Variants in ADAD1 observed in about 807,000 individuals in gnomAD.
ADAD1 encodes adenosine deaminase domain containing 1.
A neutral mutation model predicts 66.8 loss-of-function variants in ADAD1; 46 were observed. The ratio of observed to expected loss-of-function variants is 0.69; its 90% confidence interval spans 0.54 to 0.88. The LOEUF (loss-of-function observed/expected upper bound fraction) is 0.88. Among genes scored for constraint, ADAD1 ranks in the 40% least tolerant of loss-of-function variants. The pLI is 0.00. For synonymous variants in ADAD1, 248 were observed against 229.4 expected (o/e 1.08, Z -0.73); for missense variants, 617 against 681.8 (o/e 0.91, Z 1.06).
chr4:122,388,916 G>C (rs1795311835), intron 5 of ADAD1, among the ~76,000 whole-genome samples: 1 of 151,900 alleles, frequency 6.6e-6, no homozygotes, highest in African/African-American at 2.4e-5. Context: ...CTAGCTTTTG[G>C]ATTAGTTTAC....
At chr4:122,391,106 A>G (rs1443560111) in intron 5 of ADAD1, among the ~76,000 whole-genome samples, 1 of 151,982 alleles carries the variant, frequency 6.6e-6, no homozygotes, top group Admixed American at 6.6e-5. Context: ...TTCTTTCAAT[A>G]GTCAGGTCCC....
At position 122,415,608 on chromosome 4, in the gene ADAD1, C is replaced by A. The variant is rs1402807506; in HGVS notation, c.1479C>A (p.Ile493=). The change falls in exon 11 of 13, where the codon ATC becomes ATA. Residue 493 remains isoleucine, a synonymous_variant. Transcript: ENST00000296513. ...TTGTGGATGGCCTGAGTGGGAAGAT[C>A]ACTGAAAGGTTAAAATTACTAATTT... ...LEIVDGLSGK[I]TESSPFKSGM... 1.2e-6 allele frequency: 2 copies of A among 1,612,026 alleles called. No individual in the cohort carries two copies. The highest frequency in any genetic ancestry group is 2.7e-5 in the African/African-American group (2 of 74,824).
intron 7 of ADAD1, among the ~76,000 whole-genome samples, chr4:122,405,235 C>T (rs1349983079): frequency 6.6e-6 from 1 of 152,170 alleles, no homozygotes; most frequent in East Asian, 1.9e-4. Context: ...GCTTTCATCT[C>T]TTCAGTATTC....
chr4:122,423,225 T>C (rs1030115382), intron 12 of ADAD1, among the ~76,000 whole-genome samples: 1 of 152,174 alleles, frequency 6.6e-6, no homozygotes, highest in Non-Finnish European at 1.5e-5. Context: ...TTTGTTGGCT[T>C]AAATGCCAAA....
rs1234931760 is a variant in ADAD1 at position 122,429,659 on chromosome 4, A to C, written c.1651A>C (p.Lys551Gln). The C allele has an allele frequency of 6.2e-7, 1 of 1,613,302 alleles. No individual in the cohort carries two copies. The highest frequency in any genetic ancestry group is 8.5e-7 in the Non-Finnish European group (1 of 1,179,586). Residue 551 changes from lysine to glutamine, a missense_variant, in exon 13 of 13, where the codon AAG becomes CAG. Transcript: ENST00000296513. ...TGCCTCCTATCAAGAAGCTAAATGTAAGTTGAAATCCTACTTACAACAACA... is the reference window on the plus strand; with the variant it reads ...TGCCTCCTATCAAGAAGCTAAATGTCAGTTGAAATCCTACTTACAACAACA... ...MSASYQEAKCKLKSYLQQHGY... is the reference protein window; with the variant it reads ...MSASYQEAKCQLKSYLQQHGY...
At chr4:122,424,102 A>G (rs528578413) in intron 12 of ADAD1, among the ~76,000 whole-genome samples, 9 of 152,346 alleles carry the variant, frequency 5.9e-5, no homozygotes, top group Admixed American at 1.3e-4. Context: ...GCAACCAAGG[A>G]TTCTATGTCC....
At chr4:122,401,444 G>T (rs1795972762) in intron 7 of ADAD1, among the ~76,000 whole-genome samples, 1 of 152,046 alleles carries the variant, frequency 6.6e-6, no homozygotes, top group African/African-American at 2.4e-5. Flanking sequence ...AATATTCCAG[G>T]TGCTAATAAA....
At chr4:122,427,777 C>T (rs1797320665) in intron 12 of ADAD1, among the ~76,000 whole-genome samples, 2 of 151,844 alleles carry the variant, frequency 1.3e-5, no homozygotes, top group Admixed American at 6.6e-5. Flanking sequence ...CTCAAGTGCT[C>T]CACCCACCAA....
chr4:122,416,377 T>C (rs1382761158), intron 11 of ADAD1, among the ~76,000 whole-genome samples: 1 of 152,216 alleles, frequency 6.6e-6, no homozygotes, highest in Non-Finnish European at 1.5e-5. Flanking sequence ...ATGTTAAAAA[T>C]TTAAATGCTT....
At chr4:122,414,906 T>C (rs1796657668) in intron 10 of ADAD1, among the ~76,000 whole-genome samples, 1 of 152,126 alleles carries the variant, frequency 6.6e-6, no homozygotes, top group Non-Finnish European at 1.5e-5. Flanking sequence ...TTAAATTATT[T>C]TGCAGTGTGA....
chr4:122,408,088 CT>C (rs1796298876), intron 8 of ADAD1, 57 bp downstream of exon 8: 1 of 1,513,714 alleles, frequency 6.6e-7, no homozygotes, highest in Non-Finnish European at 8.9e-7. Context: ...CCCAAAGTAA[CT>C]TCATATAAAT....
Position 122,429,714 on chromosome 4 carries a change from C to A in ADAD1, c.1706C>A (p.Pro569His). The A allele has an allele frequency of 6.2e-7, 1 of 1,610,896 alleles. No individual in the cohort carries two copies. The highest frequency in any genetic ancestry group is 2.2e-5 in the East Asian group (1 of 44,726). Reference sequence around the variant, plus strand: ...TATGGATCCTGGATTGTGAAATCTCCCTGCATAGAGCAATTTAACATGTGA... The same window carrying A: ...TATGGATCCTGGATTGTGAAATCTCACTGCATAGAGCAATTTAACATGTGA... ...HGYGSWIVKS[P>H]CIEQFNM Residue 569 changes from proline to histidine, a missense_variant, in exon 13 of 13, where the codon CCC (proline) becomes CAC (histidine). Transcript: ENST00000296513.
intron 8 of ADAD1, among the ~76,000 whole-genome samples, chr4:122,408,235 T>A (rs543655151): frequency 6.6e-6 from 1 of 152,334 alleles, no homozygotes; most frequent in East Asian, 1.9e-4. Flanking sequence ...CTGTGGATTT[T>A]AGTGGCTTCT....
At chr4:122,391,049 C>T (rs1004396764) in intron 5 of ADAD1, among the ~76,000 whole-genome samples, 2 of 152,014 alleles carry the variant, frequency 1.3e-5, no homozygotes, top group African/African-American at 4.8e-5. Context: ...TTGTGGGGAG[C>T]TTTTTTGTTC....
At chr4:122,393,493 A>T (rs1165180344) in intron 5 of ADAD1, 96 bp from the exon 6 acceptor site, 7 of 1,172,598 alleles carry the variant, frequency 6.0e-6, no homozygotes, top group Admixed American at 2.7e-5. Flanking sequence ...GGAAAAAAAA[A>T]TTTTTGGATT....
rs760493563 is a variant in ADAD1 at position 122,381,007 on chromosome 4, C to T, written c.188C>T (p.Pro63Leu). Residue 63 changes from proline to leucine, a missense_variant, in exon 4 of 13, where the codon CCG becomes CTG. Transcript: ENST00000296513. ...VTQVTGNFPE[P>L]LLSKNLSSIS... is the part of the protein sequence containing the mutation. ...TTGTTTTTAGGTAATTTTCCAGAGCCGTTGCTTTCCAAGAATCTTTCATCT... is the reference window on the plus strand; with the variant it reads ...TTGTTTTTAGGTAATTTTCCAGAGCTGTTGCTTTCCAAGAATCTTTCATCT... The T allele has an allele frequency of 2.8e-5, 44 of 1,592,000 alleles. No individual in the cohort carries two copies. The highest frequency in any genetic ancestry group is 3.8e-5 in the Admixed American group (2 of 52,516).
chr4:122,429,568 C>T (rs928295961), intron 12 of ADAD1, 58 bp from the exon 13 acceptor site: 2 of 1,114,918 alleles, frequency 1.8e-6, no homozygotes, highest in East Asian at 2.4e-5. Flanking sequence ...ATTGGGGCTA[C>T]TTTTCAGCAA....
At chr4:122,382,526 C>T (rs1042681201) in intron 4 of ADAD1, among the ~76,000 whole-genome samples, 1 of 152,072 alleles carries the variant, frequency 6.6e-6, no homozygotes, top group Non-Finnish European at 1.5e-5. Flanking sequence ...GTGATCCTCC[C>T]ACCCCAGCCT....
intron 7 of ADAD1, among the ~76,000 whole-genome samples, chr4:122,400,196 C>T (rs144448609): frequency 2.3e-3 from 345 of 152,132 alleles, no homozygotes; most frequent in African/African-American, 7.9e-3. Flanking sequence ...GCCAATTTTG[C>T]TGAGGGTTTT....
Sources: allele counts gnomAD v4.1 joint callset (sites outside exome capture counted in the v4.1 genomes callset), GRCh38; gene constraint gnomAD v4.1.1; transcripts MANE v1.5; gene names NCBI Gene and HGNC (gene_info 2026-07-23, HGNC 2026-07-21).